The following PCDH15 variants were observed in gnomAD, a reference collection of about 807,000 sequenced individuals.
PCDH15 encodes the protein protocadherin-15.
PCDH15 carries 129 observed loss-of-function variants against 178.5 expected under a neutral mutation model. The observed-to-expected ratio is 0.72, with a 90% CI of 0.63 to 0.84. The LOEUF is 0.84. PCDH15 is among the 40% of genes least tolerant of loss of function. PCDH15 has a pLI of 0.00. For synonymous variants in PCDH15, 800 were observed against 732.0 expected (o/e 1.09, Z -1.50); for missense variants, 2,230 against 2,099.9 (o/e 1.06, Z -1.21).
intron 2 of PCDH15, among the ~76,000 whole-genome samples, chr10:54,536,358 G>A (rs1397385432): frequency 6.7e-6 from 1 of 149,494 alleles, no homozygotes; most frequent in Non-Finnish European, 1.5e-5. Flanking sequence ...AAATATGTCT[G>A]TTTTTTAAAA....
intron 15 of PCDH15, among the ~76,000 whole-genome samples, chr10:54,097,394 A>G (rs1364015296): frequency 6.6e-6 from 1 of 152,158 alleles, no homozygotes; most frequent in Non-Finnish European, 1.5e-5. Flanking sequence ...CACCTGAAAT[A>G]CTTTTCCTCA....
At chr10:55,586,151 T>C (rs890357152) in intron 2 of PCDH15, among the ~76,000 whole-genome samples, 1 of 152,096 alleles carries the variant, frequency 6.6e-6, no homozygotes, top group Non-Finnish European at 1.5e-5. Flanking sequence ...ATGACATAGG[T>C]ACTATGATTA....
intron 2 of PCDH15, among the ~76,000 whole-genome samples, chr10:55,396,484 T>G (rs1044059132): frequency 2.0e-5 from 3 of 152,218 alleles, no homozygotes; most frequent in Non-Finnish European, 4.4e-5. Context: ...CTTCAAGATT[T>G]ACATCAAGGT....
At chr10:54,026,669 C>T (rs2093106040) in intron 18 of PCDH15, among the ~76,000 whole-genome samples, 1 of 152,160 alleles carries the variant, frequency 6.6e-6, no homozygotes, top group Non-Finnish European at 1.5e-5. Flanking sequence ...TATATTGAAC[C>T]AGCTTTGCAT....
At chr10:55,314,851 G>C (rs1443734249) in intron 1 of PCDH15, among the ~76,000 whole-genome samples, 2 of 152,080 alleles carry the variant, frequency 1.3e-5, no homozygotes, top group Non-Finnish European at 2.9e-5. Flanking sequence ...TTGATATTTT[G>C]TTCAGTGATG....
chr10:55,268,424 C>T (rs1435393413), intron 1 of PCDH15, among the ~76,000 whole-genome samples: 1 of 152,132 alleles, frequency 6.6e-6, no homozygotes, highest in African/African-American at 2.4e-5. Flanking sequence ...TAATTCTCAA[C>T]ATATCCAAAG....
intron 2 of PCDH15, among the ~76,000 whole-genome samples, chr10:54,915,194 T>G (rs999871286): frequency 2.0e-5 from 3 of 152,130 alleles, no homozygotes; most frequent in African/African-American, 4.8e-5. Flanking sequence ...TAAATTAGAG[T>G]GCTGTCATGA....
At chr10:55,273,303 T>C in intron 1 of PCDH15, among the ~76,000 whole-genome samples, 1 of 152,256 alleles carries the variant, frequency 6.6e-6, no homozygotes, top group Admixed American at 6.5e-5. Context: ...AAGTGTCATT[T>C]CAACATCTTA....
At chr10:54,513,523 AC>A (rs1161785487) in intron 3 of PCDH15, among the ~76,000 whole-genome samples, 1 of 152,130 alleles carries the variant, frequency 6.6e-6, no homozygotes, top group Non-Finnish European at 1.5e-5. Context: ...TATTTCAAAA[AC>A]ATCTTATTGA....
At chr10:54,005,694 C>T (rs977143072) in intron 20 of PCDH15, among the ~76,000 whole-genome samples, 1 of 151,996 alleles carries the variant, frequency 6.6e-6, no homozygotes, top group African/African-American at 2.4e-5. Flanking sequence ...AAGGAACCCT[C>T]ACACACTGAT....
At chr10:54,390,467 G>A (rs1950422109) in intron 3 of PCDH15, among the ~76,000 whole-genome samples, 2 of 151,906 alleles carry the variant, frequency 1.3e-5, no homozygotes, top group Non-Finnish European at 2.9e-5. Context: ...TAATTTTTTT[G>A]TATGTTTTTA....
At chr10:55,243,957 C>G (rs868612008) in intron 1 of PCDH15, among the ~76,000 whole-genome samples, 2 of 151,908 alleles carry the variant, frequency 1.3e-5, no homozygotes, top group African/African-American at 4.8e-5. Flanking sequence ...ATAAGTGTTT[C>G]TTTATAAAAC....
At chr10:54,829,330 G>GCTA (rs1402709415) in intron 3 of PCDH15, among the ~76,000 whole-genome samples, 9 of 151,636 alleles carry the variant, frequency 5.9e-5, no homozygotes, top group East Asian at 5.8e-4. Context: ...AACCAATGCT[G>GCTA]CTACTACTAC....
chr10:54,646,219 C>G (rs966520688), intron 2 of PCDH15, among the ~76,000 whole-genome samples: 7 of 152,078 alleles, frequency 4.6e-5, no homozygotes, highest in African/African-American at 1.7e-4. Flanking sequence ...CTCCCACTTT[C>G]GCAGTATAAA....
chr10:55,178,569 C>A (rs560682135), intron 1 of PCDH15, among the ~76,000 whole-genome samples: 22 of 152,184 alleles, frequency 1.4e-4, no homozygotes, highest in African/African-American at 5.3e-4. Flanking sequence ...CAGTGTACTT[C>A]TTTCTACTTC....
intron 15 of PCDH15, among the ~76,000 whole-genome samples, chr10:54,097,062 G>GA (rs1269324370): frequency 1.3e-4 from 19 of 151,958 alleles, no homozygotes; most frequent in Non-Finnish European, 7.4e-5. Flanking sequence ...ATTATTTCTG[G>GA]AAAGATCACT....
intron 1 of PCDH15, among the ~76,000 whole-genome samples, chr10:54,700,420 C>T (rs1044505678): frequency 6.6e-6 from 1 of 152,004 alleles, no homozygotes; most frequent in Admixed American, 6.6e-5. Flanking sequence ...ATGAAGATTA[C>T]TGAGATTCAA....
At position 53,831,528 on chromosome 10, in the gene PCDH15, A is replaced by C. The variant is rs1231099310; in HGVS notation, c.3989T>G (p.Leu1330Trp). The C allele has an allele frequency of 6.2e-6, 10 of 1,608,506 alleles. No homozygotes were observed. Among genetic ancestry groups the C allele is most frequent in the African/African-American group, 2.7e-5 (2 of 74,802 alleles). Reference sequence around the variant, plus strand: ...ATTGATATCAAGTAGTTTGCCATCCAAAAATCTTTATTGTTAGATAAATAG... The same window carrying C: ...ATTGATATCAAGTAGTTTGCCATCCCAAAATCTTTATTGTTAGATAAATAG... The part of the protein sequence containing the change: ...AIDRNELFKF[L>W]DGKLLDINKD... The change falls in exon 30 of 38, where the codon TTG becomes TGG. Residue 1330 changes from leucine to tryptophan, a missense_variant. Coordinates refer to ENST00000644397, the MANE Select transcript of PCDH15 (RefSeq NM_001384140.1).
chr10:55,088,039 T>C (rs570036849), intron 2 of PCDH15, among the ~76,000 whole-genome samples: 1 of 152,114 alleles, frequency 6.6e-6, no homozygotes, highest in Non-Finnish European at 1.5e-5. Flanking sequence ...ATGTACACGA[T>C]TAAATGCTTT....
Sources: gnomAD v4.1 joint callset for allele counts (sites outside exome capture counted in the v4.1 genomes callset) on GRCh38, gnomAD v4.1.1 for gene constraint, MANE v1.5 for transcripts, NCBI Gene and HGNC (gene_info 2026-07-23, HGNC 2026-07-21) for gene names.